Variants in FTO observed in about 807,000 individuals in gnomAD.
The protein encoded by FTO is alpha-ketoglutarate-dependent dioxygenase FTO.
In FTO, 47 loss-of-function variants were observed where a neutral mutation model predicts 63.9. The ratio of observed to expected loss-of-function variants is 0.74; its 90% CI spans 0.58 to 0.94. The LOEUF is 0.94. Among genes scored for constraint, FTO ranks in the 40% least tolerant of loss-of-function variants. FTO has a pLI of 0.00. For missense variants in FTO, 562 were observed against 618.1 expected (o/e 0.91, Z 0.96); for synonymous variants, 207 against 224.4 (o/e 0.92, Z 0.69).
intron 1 of FTO, among the ~76,000 whole-genome samples, chr16:53,718,159 G>A (rs977401603): frequency 3.9e-4 from 60 of 151,942 alleles, no homozygotes; most frequent in African/African-American, 1.4e-3. Context: ...ATAATTATCT[G>A]TCTCTACATT....
chr16:54,041,902 G>A (rs191876300), intron 8 of FTO, among the ~76,000 whole-genome samples: 2 of 152,296 alleles, frequency 1.3e-5, no homozygotes, highest in East Asian at 1.9e-4. Flanking sequence ...AAACCTGCTC[G>A]AATAGAAGAG....
intron 7 of FTO, among the ~76,000 whole-genome samples, chr16:53,903,943 ATATG>A (rs2081469778): frequency 6.6e-6 from 1 of 151,862 alleles, no homozygotes; most frequent in Admixed American, 6.6e-5. Context: ...TATACTATCT[ATATG>A]TATGTATGTA....
intron 1 of FTO, among the ~76,000 whole-genome samples, chr16:53,735,765 G>A (rs6499640): frequency 0.58 from 88,598 of 151,980 alleles, 26,551 homozygotes; most frequent in African/African-American, 0.65. Context: ...TTTCTCTGAA[G>A]GTATCTTTGA....
chr16:53,815,068 AG>A (rs1352120474), intron 2 of FTO, among the ~76,000 whole-genome samples: 1 of 141,438 alleles, frequency 7.1e-6, no homozygotes, highest in Non-Finnish European at 1.5e-5. Context: ...AGCTGGTGAG[AG>A]CAGGGGAGAC....
At chr16:54,093,834 A>G (rs182239484) in intron 8 of FTO, among the ~76,000 whole-genome samples, 2 of 152,186 alleles carry the variant, frequency 1.3e-5, no homozygotes, top group Non-Finnish European at 2.9e-5. Context: ...TGGCAAGGAC[A>G]TGGCCTTGCT....
chr16:53,874,305 AG>A (rs1203109432), intron 5 of FTO, among the ~76,000 whole-genome samples: 2 of 152,172 alleles, frequency 1.3e-5, no homozygotes, highest in Non-Finnish European at 2.9e-5. Flanking sequence ...GTGAATGTAA[AG>A]AGAAAGTTAC....
At chr16:53,706,466 A>G (rs2075622859) in intron 1 of FTO, among the ~76,000 whole-genome samples, 1 of 152,056 alleles carries the variant, frequency 6.6e-6, no homozygotes, top group Non-Finnish European at 1.5e-5. Flanking sequence ...AACCACTGAT[A>G]TGTTTTTTGT....
intron 8 of FTO, among the ~76,000 whole-genome samples, chr16:54,056,122 G>A (rs2085427495): frequency 6.6e-6 from 1 of 152,166 alleles, no homozygotes; most frequent in Non-Finnish European, 1.5e-5. Flanking sequence ...CGTAACAATA[G>A]CATGCATGAT....
intron 8 of FTO, chr16:54,070,586 G>A (rs946584907): frequency 2.6e-5 from 4 of 152,072 alleles, no homozygotes; most frequent in Non-Finnish European, 5.9e-5. Context: ...CTATTCTCAT[G>A]CGTTTCTTAC....
At chr16:54,018,631 C>T (rs961843130) in intron 8 of FTO, among the ~76,000 whole-genome samples, 2 of 152,124 alleles carry the variant, frequency 1.3e-5, no homozygotes, top group Non-Finnish European at 2.9e-5. Context: ...TTCCCCCATG[C>T]TAGTCTCGTG....
intron 6 of FTO, among the ~76,000 whole-genome samples, chr16:53,881,406 A>G (rs1182091228): frequency 1.3e-5 from 2 of 152,128 alleles, no homozygotes; most frequent in Non-Finnish European, 2.9e-5. Context: ...CCTTTGTTCT[A>G]GAGGGAGAAA....
intron 3 of FTO, among the ~76,000 whole-genome samples, chr16:53,841,286 C>T (rs763176549): frequency 4.6e-5 from 7 of 151,598 alleles, no homozygotes; most frequent in Non-Finnish European, 1.0e-4. Flanking sequence ...CATTCTCATT[C>T]TAGAAGGTTT....
intron 8 of FTO, among the ~76,000 whole-genome samples, chr16:54,015,026 A>AT (rs144684813): frequency 0.24 from 30,534 of 129,856 alleles, 3,439 homozygotes; most frequent in East Asian, 0.37. Flanking sequence ...TGGCTAATTA[A>AT]ATTTTTTTTT....
At chr16:53,764,962 T>C (rs915029366) in intron 1 of FTO, among the ~76,000 whole-genome samples, 3 of 151,980 alleles carry the variant, frequency 2.0e-5, no homozygotes, top group Admixed American at 1.3e-4. Context: ...TCAAATGATC[T>C]GCCCGCTTCG....
At chr16:53,808,882 G>C (rs1201264848) in intron 1 of FTO, among the ~76,000 whole-genome samples, 2 of 152,180 alleles carry the variant, frequency 1.3e-5, no homozygotes, top group African/African-American at 4.8e-5. Context: ...TTGAAACCCA[G>C]TTGTTTCTGC....
chr16:53,773,074 G>A (rs1028249227), intron 1 of FTO, among the ~76,000 whole-genome samples: 1 of 134,094 alleles, frequency 7.5e-6, no homozygotes, highest in East Asian at 2.0e-4. Context: ...GATTACTTGG[G>A]CCTTTGATTT....
intron 8 of FTO, among the ~76,000 whole-genome samples, chr16:54,074,889 A>G (rs1296373610): frequency 7.0e-6 from 1 of 143,436 alleles, no homozygotes; most frequent in Non-Finnish European, 1.5e-5. Context: ...CCAGAACTGG[A>G]AAGAGGGAGA....
intron 8 of FTO, among the ~76,000 whole-genome samples, chr16:54,003,860 A>G (rs1047089873): frequency 1.3e-5 from 2 of 152,226 alleles, no homozygotes; most frequent in African/African-American, 4.8e-5. Context: ...AGTGGTTGCC[A>G]TGTTTAATAT....
At chr16:53,955,343 T>C (rs945812160) in intron 8 of FTO, among the ~76,000 whole-genome samples, 2 of 151,958 alleles carry the variant, frequency 1.3e-5, no homozygotes, top group Non-Finnish European at 2.9e-5. Context: ...TGACTAAAAA[T>C]AAGCAAGCAA....
Sources: gnomAD v4.1 joint callset for allele counts (sites outside exome capture counted in the v4.1 genomes callset) on GRCh38, gnomAD v4.1.1 for gene constraint, MANE v1.5 for transcripts, NCBI Gene and HGNC (gene_info 2026-07-23, HGNC 2026-07-21) for gene names.